The following NFATC2 variants were observed in gnomAD, a reference collection of about 807,000 sequenced individuals.
The protein encoded by NFATC2 is nuclear factor of activated T cells 2.
A neutral mutation model predicts 87.3 loss-of-function variants in NFATC2; 22 were observed. The observed-to-expected ratio is 0.25, with a 90% CI of 0.18 to 0.36. The LOEUF (loss-of-function observed/expected upper bound fraction) is 0.36, where lower values mean the gene tolerates loss of function less well. Among genes scored for constraint, NFATC2 ranks in the 10% least tolerant of loss-of-function variants. NFATC2 has a pLI of 1.00. For missense variants in NFATC2, 1,149 were observed against 1,259.1 expected (o/e 0.91, Z 1.32); for synonymous variants, 565 against 542.2 (o/e 1.04, Z -0.58).
chr20:51,439,604 A>G (rs1600732395), intron 6 of NFATC2, among the ~76,000 whole-genome samples: 1 of 152,176 alleles, frequency 6.6e-6, no homozygotes, highest in East Asian at 1.9e-4. Context: ...AAAGACGCCC[A>G]TGGGGGGCAG....
intron 1 of NFATC2, among the ~76,000 whole-genome samples, chr20:51,557,619 TG>T (rs2076989755): frequency 6.6e-6 from 1 of 152,120 alleles, no homozygotes; most frequent in African/African-American, 2.4e-5. Flanking sequence ...TGGGACAATG[TG>T]GAAGTCAAAA....
At chr20:51,532,313 G>C (rs1487532326) in intron 1 of NFATC2, among the ~76,000 whole-genome samples, 1 of 152,008 alleles carries the variant, frequency 6.6e-6, no homozygotes, top group East Asian at 1.9e-4. Context: ...AGGCAACCTG[G>C]CTCCTCCACC....
chr20:51,396,895 C>T (rs766461688), intron 10 of NFATC2, among the ~76,000 whole-genome samples: 27 of 152,074 alleles, frequency 1.8e-4, no homozygotes, highest in Non-Finnish European at 2.4e-4. Context: ...CCTAAGCAAC[C>T]GGGCCTGCTG....
chr20:51,531,676 G>T (rs888029529), intron 1 of NFATC2, among the ~76,000 whole-genome samples: 1 of 152,178 alleles, frequency 6.6e-6, no homozygotes, highest in African/African-American at 2.4e-5. Context: ...CACTGGTGAT[G>T]ATACAAGCCT....
At chr20:51,468,924 G>A (rs916946508) in intron 5 of NFATC2, among the ~76,000 whole-genome samples, 2 of 152,268 alleles carry the variant, frequency 1.3e-5, no homozygotes, top group African/African-American at 2.4e-5. Context: ...CTCAAAGTCC[G>A]CCCCACATCA....
intron 3 of NFATC2, among the ~76,000 whole-genome samples, chr20:51,476,075 CTT>C (rs10599453): frequency 0.41 from 58,236 of 140,968 alleles, 12,289 homozygotes; most frequent in African/African-American, 0.57. Flanking sequence ...ACTGTCACTT[CTT>C]TTTTTTTTTT....
At chr20:51,462,479 A>G (rs897653302) in intron 5 of NFATC2, among the ~76,000 whole-genome samples, 6 of 152,286 alleles carry the variant, frequency 3.9e-5, no homozygotes, top group African/African-American at 1.4e-4. Flanking sequence ...ACAATTACAA[A>G]TGCTATAAAG....
intron 9 of NFATC2, among the ~76,000 whole-genome samples, chr20:51,403,639 G>A (rs1480636304): frequency 1.3e-5 from 2 of 152,248 alleles, no homozygotes; most frequent in Middle Eastern, 3.4e-3. Context: ...TGGGGCCCTC[G>A]TGATGGAATT....
upstream of NFATC2, among the ~76,000 whole-genome samples, chr20:51,543,975 ATTTTTTTTTTTTTTT>A (rs11473264): frequency 2.2e-4 from 16 of 72,980 alleles, no homozygotes; most frequent in African/African-American, 7.0e-4. Flanking sequence ...AGAATTCCTA[ATTTTTTTTTTTTTTT>A]TTTTTTTTTT....
At chr20:51,398,147 C>T (rs548896869) in intron 10 of NFATC2, among the ~76,000 whole-genome samples, 33 of 152,180 alleles carry the variant, frequency 2.2e-4, no homozygotes, top group East Asian at 3.9e-4. Context: ...GGAAGCCCCC[C>T]GGGAGGAGCT....
In NFATC2 at chr20:51,413,373, G is replaced by T. The variant is rs532731033; in HGVS notation, c.2723-14643C>A. ...CCAGGACACAGTCTGTCTCCTCAGG[G>T]TTTATTCACTGGCAAATCTTGTTAG... On this transcript the variant is annotated intron_variant, in intron 9 of 10. Transcript: ENST00000371564. Among the ~76,000 whole-genome samples, 5 of 152,192 alleles carry T rather than the reference G, an allele frequency of 3.3e-5. No homozygotes were observed. In the South Asian group the frequency reaches 1.0e-3, roughly 32 times the overall value.
chr20:51,530,879 G>C (rs2076622291), intron 1 of NFATC2, among the ~76,000 whole-genome samples: 1 of 152,146 alleles, frequency 6.6e-6, no homozygotes. Context: ...CCACATTGAA[G>C]TCTATCTATG....
chr20:51,517,717 G>GT (rs2076376235), intron 2 of NFATC2, among the ~76,000 whole-genome samples: 1 of 152,068 alleles, frequency 6.6e-6, no homozygotes, highest in East Asian at 1.9e-4. Flanking sequence ...AGGAGTTCGA[G>GT]ACCAGCCTGG....
chr20:51,503,156 G>C (rs572810530), intron 3 of NFATC2, among the ~76,000 whole-genome samples: 1 of 152,276 alleles, frequency 6.6e-6, no homozygotes, highest in Non-Finnish European at 1.5e-5. Context: ...AGGAAGACGA[G>C]GTGGCCACCT....
At chr20:51,397,628 C>A (rs536426274) in intron 10 of NFATC2, among the ~76,000 whole-genome samples, 1 of 152,212 alleles carries the variant, frequency 6.6e-6, no homozygotes, top group East Asian at 1.9e-4. Context: ...TCCCCAGGAG[C>A]CGATTCCTCA....
intron 9 of NFATC2, among the ~76,000 whole-genome samples, chr20:51,411,429 T>C (rs1488403623): frequency 1.3e-5 from 2 of 149,162 alleles, no homozygotes; most frequent in African/African-American, 4.9e-5. Context: ...CACACACACA[T>C]ACACACACCC....
rs564648111 is a variant in NFATC2 at position 51,471,221 on chromosome 20, G to C, written c.1708+2759C>G. The stretch of plus-strand genomic sequence containing the variant: ...TTGCCTTGAGAAACCCAAAGAGAGG[G>C]AGGATCAGGGGCTCCTGTCCCCACC... On this transcript the variant is annotated intron_variant, in intron 5 of 10. Transcript: ENST00000371564. Among the ~76,000 whole-genome samples the C allele has an allele frequency of 2.0e-5, 3 of 152,290 alleles. No homozygotes were observed. The East Asian group carries it at 5.8e-4, about 29-fold the overall frequency.
chr20:51,406,687 C>A (rs1190555526), intron 9 of NFATC2, among the ~76,000 whole-genome samples: 3 of 152,188 alleles, frequency 2.0e-5, no homozygotes, highest in Non-Finnish European at 2.9e-5. Flanking sequence ...AGAGCCCAGG[C>A]CTTCCTGTGG....
chr20:51,458,479 C>T (rs1044675359), intron 5 of NFATC2, among the ~76,000 whole-genome samples: 2 of 151,598 alleles, frequency 1.3e-5, no homozygotes, highest in African/African-American at 4.9e-5. Flanking sequence ...GGTCAGGACC[C>T]CAGCATTGTT....
Sources: allele counts gnomAD v4.1 joint callset (sites outside exome capture counted in the v4.1 genomes callset), GRCh38; gene constraint gnomAD v4.1.1; transcripts MANE v1.5; gene names NCBI Gene and HGNC (gene_info 2026-07-23, HGNC 2026-07-21).